Variants in TAF1 observed in about 807,000 individuals in gnomAD.
TAF1 encodes the protein TATA-box binding protein associated factor 1, also known as transcription initiation factor TFIID subunit 1.
A neutral mutation model predicts 138.5 loss-of-function variants in TAF1; 2 were observed. That is an observed-to-expected ratio of 0.01 (90% CI 0.01 to 0.05). The LOEUF is 0.05. TAF1 is among the 10% of genes least tolerant of loss of function. The probability of loss-of-function intolerance (pLI) is 1.00; values close to 1 mark genes in which losing one functional copy is unlikely to be tolerated. For synonymous variants in TAF1, 437 were observed against 503.2 expected (o/e 0.87, Z 1.76); for missense variants, 709 against 1,478.0 (o/e 0.48, Z 8.53).
intron 13 of TAF1, among the ~76,000 whole-genome samples, chrX:71,500,094 G>A (rs1454406499): frequency 1.8e-5 from 2 of 110,789 alleles, no homozygotes; most frequent in African/African-American, 6.6e-5. Context: ...CCTTCTGGGT[G>A]GGGGAGATTA....
At chrX:71,450,561 A>G (rs1048551715) in intron 32 of TAF1, among the ~76,000 whole-genome samples, 1 of 111,701 alleles carries the variant, frequency 9.0e-6, no homozygotes, top group African/African-American at 3.3e-5. Context: ...TTTAGGGATC[A>G]CCTCTTGTGA....
chrX:71,389,803 C>A, intron 18 of TAF1, 138 bp downstream of exon 18: 1 of 433,164 alleles, frequency 2.3e-6, no homozygotes. Context: ...TTTATTCATG[C>A]CAGAAAAAAT....
intron 32 of TAF1, among the ~76,000 whole-genome samples, chrX:71,444,315 T>G (rs142916633): frequency 1.9e-3 from 212 of 112,220 alleles, no homozygotes; most frequent in African/African-American, 6.2e-3. Context: ...GCCTGTTTTC[T>G]TAATGGGTTT....
intron 32 of TAF1, among the ~76,000 whole-genome samples, chrX:71,430,643 C>G (rs1028467056): frequency 1.8e-5 from 2 of 111,735 alleles, no homozygotes; most frequent in Non-Finnish European, 3.8e-5. Context: ...TGTATCCCAT[C>G]TAGGAGTCAG....
chrX:71,480,546 CAT>C (rs2039052296), intron 13 of TAF1, among the ~76,000 whole-genome samples: 1 of 111,788 alleles, frequency 8.9e-6, no homozygotes. Flanking sequence ...AGAAATAATT[CAT>C]ATATTCATTC....
intron 32 of TAF1, among the ~76,000 whole-genome samples, chrX:71,434,074 G>A (rs750825776): frequency 1.8e-5 from 2 of 111,973 alleles, no homozygotes; most frequent in South Asian, 3.7e-4. Flanking sequence ...TTAATTAATA[G>A]TAACAAAGTC....
intron 32 of TAF1, among the ~76,000 whole-genome samples, chrX:71,437,124 G>A (rs1354817687): frequency 9.0e-6 from 1 of 111,156 alleles, no homozygotes; most frequent in Admixed American, 9.6e-5. Flanking sequence ...TAATTTAAAA[G>A]TTTTTATTTT....
At chrX:71,397,926 G>T (rs5937088) in intron 23 of TAF1, among the ~76,000 whole-genome samples, 1 of 112,189 alleles carries the variant, frequency 8.9e-6, no homozygotes, top group Non-Finnish European at 1.9e-5. Flanking sequence ...CTTGCCTTTA[G>T]ATTGGGTTTG....
intron 13 of TAF1, among the ~76,000 whole-genome samples, chrX:71,480,669 TG>T (rs1329668343): frequency 8.1e-5 from 9 of 111,450 alleles, no homozygotes; most frequent in African/African-American, 2.6e-4. Context: ...TAAATATCTG[TG>T]AGGTGGTGAT....
intron 13 of TAF1, among the ~76,000 whole-genome samples, chrX:71,506,247 C>T: frequency 9.3e-6 from 1 of 107,829 alleles, no homozygotes; most frequent in Middle Eastern, 4.8e-3. Flanking sequence ...AAAAATCAGC[C>T]GGGCATGATG....
In TAF1 at chrX:71,378,932, G is replaced by C; in HGVS notation, c.1261G>C (p.Asp421His). The C allele has an allele frequency of 8.3e-7, 1 of 1,210,711 alleles. No homozygotes were observed. The highest frequency in any genetic ancestry group is 1.1e-6 in the Non-Finnish European group (1 of 895,362). ...GGATGATATCATCTGGGATGGGGAG[G>C]ATGTCAAACACAAAGGGACAAAACC... The part of the protein sequence containing the change: ...WEDDIIWDGE[D>H]VKHKGTKPQR... Residue 421 changes from aspartate (D) to histidine (H), a missense_variant, in exon 8 of 38, where the codon GAT becomes CAT. Physicochemically the swap from Asp to His is moderately conservative, Grantham distance 81 (BLOSUM62 -1). Around this residue, in one of 14 missense-constraint regions of TAF1, gnomAD observed 201 missense variants for 421.3 expected, o/e 0.48. Coordinates refer to ENST00000423759, the MANE Select transcript of TAF1 (RefSeq NM_004606.5).
intron 18 of TAF1, among the ~76,000 whole-genome samples, chrX:71,389,999 C>T (rs1300400316): frequency 9.0e-6 from 1 of 110,596 alleles, no homozygotes; most frequent in African/African-American, 3.3e-5. Context: ...CTCAGCCTCC[C>T]GAGTAGCTGA....
chrX:71,453,994 G>C (rs1370951866), intron 32 of TAF1, among the ~76,000 whole-genome samples, 176 bp from the exon 33 acceptor site: 1 of 112,018 alleles, frequency 8.9e-6, no homozygotes, highest in Non-Finnish European at 1.9e-5. Flanking sequence ...CATTATGTTA[G>C]TGTTGTATTG....
Position 71,464,566 on chromosome X carries a change from G to T in TAF1, c.*520G>T. ...CTAAAAATACAAAAATTAGCCAGGT[G>T]TGGTGGCGTATGCCTGTTAATCCTA... is the stretch of plus-strand genomic sequence containing the variant. On this transcript the variant is annotated 3_prime_UTR_variant, in exon 38 of 38. Transcript: ENST00000423759. 1 of 233,557 alleles carries T rather than the reference G, an allele frequency of 4.3e-6. No individual in the cohort carries two copies. The highest frequency in any genetic ancestry group is 6.8e-5 in the East Asian group (1 of 14,657). 19.2% of individuals were successfully genotyped at this position (233,557 alleles called of 1,213,427 possible). A position where few individuals can be genotyped will look rare whatever the true frequency, so the allele number is the denominator to read the frequency against.
intron 13 of TAF1, among the ~76,000 whole-genome samples, chrX:71,474,913 A>G (rs2038953864): frequency 1.8e-5 from 2 of 111,854 alleles, no homozygotes; most frequent in African/African-American, 6.5e-5. Flanking sequence ...GAGGCAAAAA[A>G]GAGGTTGGTG....
chrX:71,384,601 G>C (rs2034104853), intron 13 of TAF1, among the ~76,000 whole-genome samples: 1 of 110,190 alleles, frequency 9.1e-6, no homozygotes, highest in African/African-American at 3.3e-5. Context: ...GTAGAGACAG[G>C]GTTTCATCAT....
rs2034388423 is a variant in TAF1 at position 71,388,723 on chromosome X, A to G, written c.2570-15A>G. 6 of 1,209,503 alleles carry G rather than the reference A, an allele frequency of 5.0e-6. No individual in the cohort carries two copies. The highest frequency in any genetic ancestry group is 1.8e-5 in the African/African-American group (1 of 57,139). ...TTCAGAATGGTCTCATTCTCTATGT[A>G]TATGTCTTTTCCAGGGATGGACTCA... is the stretch of plus-strand genomic sequence containing the variant. On this transcript the variant is annotated splice_polypyrimidine_tract_variant and intron_variant, in intron 16 of 37. Transcript: ENST00000423759.
intron 28 of TAF1, among the ~76,000 whole-genome samples, chrX:71,410,348 C>T (rs1397280270): frequency 9.2e-6 from 1 of 108,361 alleles, no homozygotes; most frequent in Non-Finnish European, 1.9e-5. Context: ...CAGCAAACCA[C>T]CATGGCACAC....
At chrX:71,459,470 AG>A (rs972950277) in intron 35 of TAF1, 81 bp from the exon 36 acceptor site, 14 of 549,315 alleles carry the variant, frequency 2.5e-5, no homozygotes, top group South Asian at 1.4e-4. Flanking sequence ...CGGGGCGGGG[AG>A]GGGGGGTGTG....
Sources: gnomAD v4.1 joint callset for allele counts (sites outside exome capture counted in the v4.1 genomes callset) on GRCh38, gnomAD v4.1.1 for gene constraint, gnomAD v4.1.1 regional missense constraint, MANE v1.5 for transcripts, NCBI Gene and HGNC (gene_info 2026-07-23, HGNC 2026-07-21) for gene names.